Variants in SCAMP4 observed in about 807,000 individuals in gnomAD.
The protein encoded by SCAMP4 is secretory carrier-associated membrane protein 4.
In SCAMP4, 19 loss-of-function variants were observed where a neutral mutation model predicts 32.1. The observed-to-expected ratio is 0.59, with a 90% CI of 0.41 to 0.87. The LOEUF (loss-of-function observed/expected upper bound fraction) is 0.87. Among genes scored for constraint, SCAMP4 ranks in the 40% least tolerant of loss-of-function variants. The pLI is 0.00. For synonymous variants in SCAMP4, 152 were observed against 132.7 expected, an observed-to-expected ratio of 1.15 and a Z score of -1.00; for missense variants, 302 against 309.0, an observed-to-expected ratio of 0.98 and a Z score of 0.17.
At chr19:1,922,690 G>A (rs1243518913) in intron 5 of SCAMP4, 2 of 992,254 alleles carry the variant, frequency 2.0e-6, no homozygotes, top group Non-Finnish European at 2.4e-6. Flanking sequence ...GCTCAGTGGG[G>A]CCTTTGAGTC....
At chr19:1,912,476 C>A in intron 1 of SCAMP4, 2 of 1,500,300 alleles carry the variant, frequency 1.3e-6, no homozygotes, top group Non-Finnish European at 8.8e-7. Context: ...TCCTGGTGCC[C>A]GTGCCCGCCC....
intron 1 of SCAMP4, chr19:1,913,195 G>A (rs1207785101): frequency 6.8e-7 from 1 of 1,468,720 alleles, no homozygotes; most frequent in Non-Finnish European, 9.0e-7. Context: ...CCCGGCCGTG[G>A]GGCGCCCCTC....
In SCAMP4 at chr19:1,925,113, T is replaced by A. The variant is rs2014056803; in HGVS notation, c.*829T>A. The A allele has an allele frequency of 5.2e-5, 1 of 19,154 alleles. No homozygotes were observed. The highest frequency in any genetic ancestry group is 1.0e-4 in the Non-Finnish European group (1 of 9,564). The allele number at this position is 19,154 out of a possible 1,614,324, so 1.2% of individuals were successfully genotyped here. ...TTTGTTTTGTTTTGTTTTTTCTCTTTTGAGACAAGAGTTTCACTCTGTCGC... is the reference window on the plus strand; with the variant it reads ...TTTGTTTTGTTTTGTTTTTTCTCTTATGAGACAAGAGTTTCACTCTGTCGC... On this transcript the variant is annotated 3_prime_UTR_variant, in exon 7 of 7. Coordinates refer to ENST00000316097, the MANE Select transcript of SCAMP4 (RefSeq NM_079834.4).
chr19:1,914,011 G>A lies in SCAMP4; in HGVS notation c.-41-968G>A, dbSNP rs796910796. On this transcript the variant is annotated intron_variant, in intron 1 of 6. Coordinates refer to ENST00000316097, the MANE Select transcript of SCAMP4 (RefSeq NM_079834.4). Reference sequence around the variant, plus strand: ...CGCCAGGCCTGCAGTGGGGGAGTCCGTGCCTGGGGGTGGGACTGAGGTGGG... The same window carrying A: ...CGCCAGGCCTGCAGTGGGGGAGTCCATGCCTGGGGGTGGGACTGAGGTGGG... Among the ~76,000 whole-genome samples, 20 of 152,268 alleles carry A rather than the reference G, an allele frequency of 1.3e-4. 2 individuals carry two copies. Among genetic ancestry groups the A allele is most frequent in the African/African-American group, 1.9e-4 (8 of 41,548 alleles).
In SCAMP4 at chr19:1,920,616, G is replaced by C. The variant is rs1009282008; in HGVS notation, c.395+1626G>C. ...GCGTGTGCCTGGGACTCCCAGCTCT[G>C]CCAGCCTTTGGGGTGCTTCCCCCTC... On this transcript the variant is annotated intron_variant, in intron 5 of 6. Transcript: ENST00000316097. 1.0e-5 allele frequency: 10 copies of C among 985,326 alleles called. No homozygotes were observed. The African/African-American group carries it at 1.0e-4, about 10-fold the overall frequency. 61.0% of individuals were successfully genotyped at this position (985,326 alleles called of 1,614,324 possible).
chr19:1,912,140 GGCCGGGA>G (rs1305471403), intron 1 of SCAMP4: 1 of 1,560,056 alleles, frequency 6.4e-7, no homozygotes, highest in African/African-American at 1.4e-5. Flanking sequence ...AGTGCTTGGA[GGCCGGGA>G]GCCCGGAGCC....
intron 1 of SCAMP4, chr19:1,912,754 C>G (rs2013541829): frequency 1.9e-6 from 3 of 1,551,688 alleles, no homozygotes; most frequent in Non-Finnish European, 2.6e-6. Context: ...GCGGACAACC[C>G]CCTCCTGCAC....
chr19:1,924,451 G>A lies in SCAMP4; in HGVS notation c.*167G>A, dbSNP rs557542798. ...CCCTCCTGCCAGGGCCACAGAACCCGTGTTCATCTCATCCGAGAGCGGAGT... is the reference window on the plus strand; with the variant it reads ...CCCTCCTGCCAGGGCCACAGAACCCATGTTCATCTCATCCGAGAGCGGAGT... On this transcript the variant is annotated 3_prime_UTR_variant, in exon 7 of 7. Transcript: ENST00000316097. 565 of 621,548 alleles carry A rather than the reference G, an allele frequency of 9.1e-4. 1 individual carries two copies. Among genetic ancestry groups the A allele is most frequent in the South Asian group, 1.9e-3 (102 of 53,174 alleles). The allele number at this position is 621,548 out of a possible 1,614,324, so 38.5% of individuals were successfully genotyped here.
chr19:1,920,068 C>A, intron 5 of SCAMP4: 5 of 890,266 alleles, frequency 5.6e-6, no homozygotes, highest in Non-Finnish European at 6.7e-6. Context: ...GCCTCGGCCT[C>A]CCAAAGTGCT....
chr19:1,912,491 G>T (rs937114381), intron 1 of SCAMP4: 1 of 1,497,318 alleles, frequency 6.7e-7, no homozygotes, highest in Admixed American at 2.2e-5. Flanking sequence ...CCGCCCGGCC[G>T]CCTCTGACCA....
At chr19:1,910,867 G>A (rs374423365) in intron 1 of SCAMP4, among the ~76,000 whole-genome samples, 2 of 148,848 alleles carry the variant, frequency 1.3e-5, no homozygotes, top group African/African-American at 2.5e-5. Flanking sequence ...AAGCCACCAC[G>A]CCTGGCTTTT....
chr19:1,909,006 GA>G lies in SCAMP4; in HGVS notation c.-42+3568del, dbSNP rs370371815. Among the ~76,000 whole-genome samples the G allele has an allele frequency of 4.7e-3, 710 of 152,180 alleles. 8 individuals carry two copies. Among genetic ancestry groups the G allele is most frequent in the African/African-American group, 0.016 (682 of 41,504 alleles). On this transcript the variant is annotated intron_variant, in intron 1 of 6. Transcript: ENST00000316097. The stretch of plus-strand genomic sequence containing the variant: ...TGTATTCCCAGCTACTAGGGGGGCT[GA>G]GGCAGGAGAATCGCTTGAACCTGGG...
intron 1 of SCAMP4, chr19:1,912,528 C>G: frequency 6.7e-7 from 1 of 1,498,346 alleles, no homozygotes; most frequent in Non-Finnish European, 8.8e-7. Context: ...GGCCCGGGCC[C>G]ACTGGCCCAC....
intron 1 of SCAMP4, chr19:1,912,734 C>A (rs1275716955): frequency 6.5e-6 from 10 of 1,536,398 alleles, no homozygotes; most frequent in Non-Finnish European, 8.7e-7. Context: ...CCGGCCACGA[C>A]TGCAGCTGCG....
At chr19:1,918,482 C>G (rs1164871122) in intron 4 of SCAMP4, among the ~76,000 whole-genome samples, 199 bp downstream of exon 4, 1 of 152,224 alleles carries the variant, frequency 6.6e-6, no homozygotes, top group Non-Finnish European at 1.5e-5. Flanking sequence ...GTAATTTTGG[C>G]TGGGTGCAGT....
intron 1 of SCAMP4, among the ~76,000 whole-genome samples, chr19:1,907,644 A>G (rs1346362604): frequency 6.6e-6 from 1 of 152,116 alleles, no homozygotes; most frequent in Non-Finnish European, 1.5e-5. Flanking sequence ...GGTTGTCACC[A>G]CGCAGGGTCT....
Position 1,918,230 on chromosome 19 carries a change from G to C in SCAMP4, c.240G>C (p.Leu80=). The C allele has an allele frequency of 6.2e-7, 1 of 1,610,902 alleles. No individual in the cohort carries two copies. The highest frequency in any genetic ancestry group is 1.7e-5 in the Admixed American group (1 of 59,984). The change falls in exon 4 of 7, where the codon CTG becomes CTC. Residue 80 remains leucine (L), a synonymous_variant. Coordinates refer to ENST00000316097, the MANE Select transcript of SCAMP4 (RefSeq NM_079834.4). ...NFGLAFVWLL[L]FTPCGYVCWF... is the part of the protein sequence containing the mutation. ...GCCTGGCCTTCGTGTGGCTGCTCCT[G>C]TTCACGCCTTGCGGCTACGTGTGCT...
chr19:1,924,038 G>GC, intron 6 of SCAMP4, 70 bp from the exon 7 acceptor site: 1 of 1,345,716 alleles, frequency 7.4e-7, no homozygotes, highest in Non-Finnish European at 1.0e-6. Context: ...GGGATGACAG[G>GC]CGTGAGTCCC....
intron 1 of SCAMP4, among the ~76,000 whole-genome samples, chr19:1,910,107 A>C (rs7260336): frequency 0.22 from 33,228 of 151,994 alleles, 4,751 homozygotes; most frequent in African/African-American, 0.39. Flanking sequence ...GCTTAATACA[A>C]CACCCGCCAG....
Sources: gnomAD v4.1 joint callset for allele counts (sites outside exome capture counted in the v4.1 genomes callset) on GRCh38, gnomAD v4.1.1 for gene constraint, MANE v1.5 for transcripts, NCBI Gene and HGNC (gene_info 2026-07-23, HGNC 2026-07-21) for gene names.